Variants in UACA observed in about 807,000 individuals in gnomAD.
The protein encoded by UACA is uveal autoantigen with coiled-coil domains and ankyrin repeats.
Under a neutral mutation model 160.5 loss-of-function variants are expected in UACA, and 112 were observed. The ratio of observed to expected loss-of-function variants is 0.70; its 90% CI spans 0.60 to 0.82. The LOEUF (loss-of-function observed/expected upper bound fraction) is 0.82. Among genes scored for constraint, UACA ranks in the 40% least tolerant of loss-of-function variants. The probability of loss-of-function intolerance (pLI) is 0.00; values close to 1 mark genes in which losing one functional copy is unlikely to be tolerated. For synonymous variants in UACA, 557 were observed against 568.4 expected, an observed-to-expected ratio of 0.98 and a Z score of 0.29; for missense variants, 1,574 against 1,614.6, an observed-to-expected ratio of 0.97 and a Z score of 0.43.
chr15:70,694,285 T>TGTACAAACTTCTTTG (rs1365078506), intron 3 of UACA, among the ~76,000 whole-genome samples: 1 of 152,204 alleles, frequency 6.6e-6, no homozygotes, highest in Non-Finnish European at 1.5e-5. Context: ...CTACATTTGA[T>TGTACAAACTTCTTTG]GTACAAACTT....
rs571697231 is a variant in UACA, at chr15:70,751,703, T to C, written c.78+11627A>G. Among the ~76,000 whole-genome samples, 19 of 152,308 alleles carry C rather than the reference T, an allele frequency of 1.2e-4. 2 individuals are homozygous for C. The South Asian group carries it at 3.9e-3, about 32-fold the overall frequency. ...GCAGAGTTTGACCCTGTATCATCAA[T>C]GTGCTAACCTGCACCTTCATGCTGC... On this transcript the variant is annotated intron_variant, in intron 1 of 18. Transcript: ENST00000322954.
chr15:70,663,569 CAT>C (rs1187827838), intron 17 of UACA, among the ~76,000 whole-genome samples: 2 of 151,984 alleles, frequency 1.3e-5, no homozygotes, highest in East Asian at 3.9e-4. Flanking sequence ...TATAAAGACA[CAT>C]ATGTTTATTG....
the UACA span, among the ~76,000 whole-genome samples, chr15:70,773,055 A>G: frequency 6.6e-6 from 1 of 152,094 alleles, no homozygotes; most frequent in African/African-American, 2.4e-5. Flanking sequence ...CAAAAAAAAA[A>G]AAAGAAAAGA....
chr15:70,773,690 T>C, the UACA span, among the ~76,000 whole-genome samples: 21 of 152,164 alleles, frequency 1.4e-4, no homozygotes, highest in Non-Finnish European at 1.5e-5. Context: ...GCTTCTATTT[T>C]CTCATGAATC....
At chr15:70,725,996 G>A (rs182140993) in intron 1 of UACA, among the ~76,000 whole-genome samples, 49 of 152,126 alleles carry the variant, frequency 3.2e-4, no homozygotes, top group Non-Finnish European at 2.2e-4. Context: ...CAAATATAAT[G>A]TATCCAAATA....
intron 1 of UACA, among the ~76,000 whole-genome samples, chr15:70,752,066 A>C (rs759667185): frequency 6.6e-6 from 1 of 151,852 alleles, no homozygotes; most frequent in Non-Finnish European, 1.5e-5. Flanking sequence ...GAGAAACCCT[A>C]TCTCTACTAA....
At chr15:70,714,093 C>T (rs1467995199) in intron 1 of UACA, among the ~76,000 whole-genome samples, 1 of 152,044 alleles carries the variant, frequency 6.6e-6, no homozygotes, top group African/African-American at 2.4e-5. Context: ...CTATAATTAC[C>T]AACATTCTCT....
Position 70,664,831 on chromosome 15 carries a change from T to C in UACA, c.3961-17A>G, listed in dbSNP as rs767785096. 4 of 1,602,846 alleles carry C rather than the reference T, an allele frequency of 2.5e-6. No individual in the cohort carries two copies. Among genetic ancestry groups the C allele is most frequent in the Non-Finnish European group, 2.6e-6 (3 of 1,174,030 alleles). On this transcript the variant is annotated splice_polypyrimidine_tract_variant and intron_variant, in intron 16 of 18. Coordinates refer to ENST00000322954, the MANE Select transcript of UACA (RefSeq NM_018003.4). The stretch of plus-strand genomic sequence containing the variant: ...TTCAGTTATCTTTAAAAAAATGTTG[T>C]AGGAGAAATATATTATTCACTTATC...
intron 1 of UACA, among the ~76,000 whole-genome samples, chr15:70,737,345 G>A (rs11858658): frequency 0.14 from 20,620 of 152,148 alleles, 1,718 homozygotes; most frequent in African/African-American, 0.23. Context: ...TGAGGTCTAA[G>A]TCTTAAATTT....
At chr15:70,720,767 T>C (rs1041276928) in intron 1 of UACA, among the ~76,000 whole-genome samples, 1 of 152,214 alleles carries the variant, frequency 6.6e-6, no homozygotes, top group East Asian at 1.9e-4. Flanking sequence ...TATTACTGTT[T>C]GGTATTTACC....
chr15:70,729,831 A>C (rs1899265579), intron 1 of UACA, among the ~76,000 whole-genome samples: 1 of 130,030 alleles, frequency 7.7e-6, no homozygotes, highest in Non-Finnish European at 1.6e-5. Flanking sequence ...TGGGTCCCTG[A>C]CTCCTGACCC....
intron 1 of UACA, among the ~76,000 whole-genome samples, chr15:70,712,226 A>G (rs756356556): frequency 6.6e-6 from 1 of 151,862 alleles, no homozygotes; most frequent in Non-Finnish European, 1.5e-5. Context: ...TTGTGTGTAG[A>G]CAGAAACCTA....
Position 70,656,856 on chromosome 15 carries a change from A to ATGT in UACA, c.*199_*200insACA, listed in dbSNP as rs1226047297. 85 of 460,978 alleles carry ATGT rather than the reference A, an allele frequency of 1.8e-4. 1 individual carries two copies. The highest frequency in any genetic ancestry group is 1.6e-3 in the African/African-American group (80 of 51,260). 28.6% of individuals were successfully genotyped at this position (460,978 alleles called of 1,614,324 possible). A position where few individuals can be genotyped will look rare whatever the true frequency, so the allele number is the denominator to read the frequency against. On this transcript the variant is annotated 3_prime_UTR_variant, in exon 19 of 19. Transcript: ENST00000322954. ...TTGTTTGCCTATTTGTAAAATTAAC[A>ATGT]CATACAGAAAATAAGATTCAAACTG...
upstream of UACA, among the ~76,000 whole-genome samples, chr15:70,767,488 T>A (rs1392864539): frequency 6.6e-6 from 1 of 150,946 alleles, no homozygotes; most frequent in East Asian, 2.0e-4. Flanking sequence ...CTGGGGAGGC[T>A]GAGGCAGGAG....
chr15:70,667,544 T>A lies in UACA; in HGVS notation c.3140A>T (p.Lys1047Met). 16 of 1,613,182 alleles carry A rather than the reference T, an allele frequency of 9.9e-6. No individual in the cohort carries two copies. The highest frequency in any genetic ancestry group is 1.3e-5 in the Non-Finnish European group (15 of 1,180,002). ...IFTLQKDLRD[K>M]TVLIEKSHEM... ...ATGAGACTTCTCAATGAGAACTGTCTTATCTCTCAAATCTTTCTGAAGGGT... is the reference window on the plus strand; with the variant it reads ...ATGAGACTTCTCAATGAGAACTGTCATATCTCTCAAATCTTTCTGAAGGGT... The change falls in exon 16 of 19, where the codon AAG becomes ATG. Residue 1047 changes from lysine to methionine, a missense_variant. By Grantham distance (95) the Lys-to-Met change is moderately conservative (BLOSUM62 -1). Coordinates refer to ENST00000322954, the MANE Select transcript of UACA (RefSeq NM_018003.4).
intron 1 of UACA, chr15:70,758,590 A>G (rs1595928517): frequency 6.6e-6 from 1 of 152,328 alleles, no homozygotes; most frequent in South Asian, 2.1e-4. Context: ...AAACAAAATC[A>G]TGTTTAATCC....
the UACA span, among the ~76,000 whole-genome samples, chr15:70,768,643 C>T: frequency 4.6e-5 from 7 of 152,180 alleles, no homozygotes; most frequent in Non-Finnish European, 8.8e-5. Flanking sequence ...CCCAGATAAA[C>T]ACCAGGAATT....
chr15:70,698,804 G>C (rs1231405888), intron 2 of UACA, among the ~76,000 whole-genome samples: 1 of 151,860 alleles, frequency 6.6e-6, no homozygotes, highest in African/African-American at 2.4e-5. Flanking sequence ...AGTATAGAGG[G>C]TCATAACAGG....
chr15:70,774,244 T>C, the UACA span, among the ~76,000 whole-genome samples: 1 of 152,068 alleles, frequency 6.6e-6, no homozygotes, highest in Non-Finnish European at 1.5e-5. Flanking sequence ...AAACGCTAAG[T>C]TATATCAATA....
Sources: allele counts gnomAD v4.1 joint callset (sites outside exome capture counted in the v4.1 genomes callset), GRCh38; gene constraint gnomAD v4.1.1; transcripts MANE v1.5; gene names NCBI Gene and HGNC (gene_info 2026-07-23, HGNC 2026-07-21).